The following WIPF2 variants were observed in gnomAD, a reference collection of about 807,000 sequenced individuals.
WIPF2 encodes WAS/WASL interacting protein family member 2, also known as WAS/WASL-interacting protein family member 2.
In WIPF2, 23 loss-of-function variants were observed where a neutral mutation model predicts 38.8. The ratio of observed to expected loss-of-function variants is 0.59; its 90% CI spans 0.43 to 0.84. The LOEUF (loss-of-function observed/expected upper bound fraction) is 0.84, where lower values mean the gene tolerates loss of function less well. Ranked by LOEUF, WIPF2 falls within the 40% of genes least tolerant of loss-of-function variation. WIPF2 has a pLI of 0.00. For missense variants in WIPF2, 574 were observed against 580.5 expected, an observed-to-expected ratio of 0.99 and a Z score of 0.11; for synonymous variants, 210 against 223.2, an observed-to-expected ratio of 0.94 and a Z score of 0.53.
chr17:40,237,848 G>C (rs910536009), intron 1 of WIPF2, among the ~76,000 whole-genome samples: 2 of 136,238 alleles, frequency 1.5e-5, no homozygotes, highest in African/African-American at 5.8e-5. Context: ...GTTTCACCCT[G>C]TTGGTCACGG....
In WIPF2 at chr17:40,257,001, C is replaced by T. The variant is rs540889374; in HGVS notation, c.63+479C>T. Among the ~76,000 whole-genome samples, 4 of 150,840 alleles carry T rather than the reference C, an allele frequency of 2.7e-5. No individual in the cohort carries two copies. In the East Asian group the frequency reaches 5.8e-4, roughly 22 times the overall value. ...TGAGGATTCCTTTTTTTTTTTGAAA[C>T]GGAATCTCACTCTGTCGCCCAGGCT... On this transcript the variant is annotated intron_variant, in intron 2 of 7. Transcript: ENST00000323571.
intron 1 of WIPF2, among the ~76,000 whole-genome samples, chr17:40,255,307 AG>A (rs1420441616): frequency 6.6e-6 from 1 of 151,870 alleles, no homozygotes; most frequent in Non-Finnish European, 1.5e-5. Flanking sequence ...TGCACAATAC[AG>A]GGAGCACCCA....
At chr17:40,252,214 A>G (rs1416274612) in intron 1 of WIPF2, among the ~76,000 whole-genome samples, 1 of 152,218 alleles carries the variant, frequency 6.6e-6, no homozygotes, top group African/African-American at 2.4e-5. Context: ...GAGCACACTG[A>G]CAGGCATAAG....
At chr17:40,254,019 A>T (rs1222665383) in intron 1 of WIPF2, among the ~76,000 whole-genome samples, 1 of 141,644 alleles carries the variant, frequency 7.1e-6, no homozygotes, top group African/African-American at 2.6e-5. Context: ...TGCTGGTTTG[A>T]TTTTTTTTTT....
At chr17:40,274,082 T>C (rs1364991424) in intron 6 of WIPF2, 83 bp downstream of exon 6, 8 of 1,191,778 alleles carry the variant, frequency 6.7e-6, no homozygotes, top group East Asian at 2.7e-5. Flanking sequence ...ATGGCCACCA[T>C]AGAGTGGGAA....
At chr17:40,263,328 C>T (rs1019160296) in intron 4 of WIPF2, among the ~76,000 whole-genome samples, 12 of 151,898 alleles carry the variant, frequency 7.9e-5, no homozygotes, top group Non-Finnish European at 1.2e-4. Flanking sequence ...CAATGGGGTT[C>T]GCCCTCCTAT....
chr17:40,282,283 T>C lies in WIPF2; in HGVS notation c.*4058T>C, dbSNP rs938173935. On this transcript the variant is annotated 3_prime_UTR_variant, in exon 8 of 8. Transcript: ENST00000323571. ...TAACTGCTGTTTCTTTCTACTCTTGTTTCTGGCAATTTAGTGGGTTCCTTC... is the reference window on the plus strand; with the variant it reads ...TAACTGCTGTTTCTTTCTACTCTTGCTTCTGGCAATTTAGTGGGTTCCTTC... 1.3e-5 allele frequency: 2 copies of C among 152,206 alleles called. No homozygotes were observed. The highest frequency in any genetic ancestry group is 4.8e-5 in the African/African-American group (2 of 41,446). The allele number at this position is 152,206 out of a possible 1,614,324, so 9.4% of individuals were successfully genotyped here. A position where few individuals can be genotyped will look rare whatever the true frequency, so the allele number is the denominator to read the frequency against.
chr17:40,252,136 T>C (rs924390450), intron 1 of WIPF2, among the ~76,000 whole-genome samples: 2 of 152,178 alleles, frequency 1.3e-5, no homozygotes, highest in African/African-American at 4.8e-5. Context: ...AAGGCATCTT[T>C]AACTGTGTAA....
intron 1 of WIPF2, 107 bp from the exon 2 acceptor site, chr17:40,256,284 A>G: frequency 1.2e-6 from 1 of 835,060 alleles, no homozygotes; most frequent in Admixed American, 3.7e-5. Flanking sequence ...GAACTAAAAG[A>G]TAAGGTGTTC....
chr17:40,259,143 T>C (rs2031822498), intron 2 of WIPF2, among the ~76,000 whole-genome samples: 1 of 146,762 alleles, frequency 6.8e-6, no homozygotes, highest in African/African-American at 2.5e-5. Flanking sequence ...CCTCCCAAAG[T>C]GCTGGGATTA....
At position 40,284,000 on chromosome 17, in the gene WIPF2, A is replaced by C. The variant is rs1178678190; in HGVS notation, c.*5775A>C. On this transcript the variant is annotated 3_prime_UTR_variant, in exon 8 of 8. Coordinates refer to ENST00000323571, the MANE Select transcript of WIPF2 (RefSeq NM_133264.5). Reference sequence around the variant, plus strand: ...CATAATTTAGATATAAAAACCTATGAGGATGAGGGAGGGAGGGGAAGAAAA... The same window carrying C: ...CATAATTTAGATATAAAAACCTATGCGGATGAGGGAGGGAGGGGAAGAAAA... 1 of 152,154 alleles carries C rather than the reference A, an allele frequency of 6.6e-6. No homozygotes were observed. The allele number at this position is 152,154 out of a possible 1,614,324, so 9.4% of individuals were successfully genotyped here. A position where few individuals can be genotyped will look rare whatever the true frequency, so the allele number is the denominator to read the frequency against.
chr17:40,259,528 G>A (rs546348621), intron 2 of WIPF2, among the ~76,000 whole-genome samples: 8 of 152,026 alleles, frequency 5.3e-5, no homozygotes, highest in African/African-American at 1.9e-4. Flanking sequence ...CATCTTGGCT[G>A]TTTGTTTATT....
chr17:40,278,316 C>A lies in WIPF2; in HGVS notation c.*91C>A. ...CATTCCCCTGAAACCTGCATGAGAG[C>A]TCCTAACATGTTTCTCCAATGCAAT... On this transcript the variant is annotated 3_prime_UTR_variant, in exon 8 of 8. Coordinates refer to ENST00000323571, the MANE Select transcript of WIPF2 (RefSeq NM_133264.5). The A allele has an allele frequency of 6.8e-7, 1 of 1,460,144 alleles. No individual in the cohort carries two copies. The highest frequency in any genetic ancestry group is 9.4e-7 in the Non-Finnish European group (1 of 1,060,482). The allele number at this position is 1,460,144 out of a possible 1,614,324, so 90.4% of individuals were successfully genotyped here. A position where few individuals can be genotyped will look rare whatever the true frequency, so the allele number is the denominator to read the frequency against.
intron 2 of WIPF2, among the ~76,000 whole-genome samples, chr17:40,258,506 C>T (rs1380175964): frequency 2.0e-5 from 3 of 152,086 alleles, no homozygotes; most frequent in South Asian, 2.1e-4. Context: ...GCAGGAGAAT[C>T]GCTTGAACCA....
chr17:40,267,585 G>C (rs1474965596), intron 5 of WIPF2, among the ~76,000 whole-genome samples: 2 of 152,166 alleles, frequency 1.3e-5, no homozygotes, highest in East Asian at 3.9e-4. Context: ...TTTCGCCCAG[G>C]CTGGAGTGCA....
At chr17:40,231,737 A>T (rs1479240441) in intron 1 of WIPF2, among the ~76,000 whole-genome samples, 8 of 150,224 alleles carry the variant, frequency 5.3e-5, no homozygotes, top group Non-Finnish European at 1.2e-4. Context: ...TTCTACTTTT[A>T]TATATGGAGC....
At chr17:40,275,792 C>T (rs571913028) in intron 6 of WIPF2, among the ~76,000 whole-genome samples, 1 of 152,218 alleles carries the variant, frequency 6.6e-6, no homozygotes, top group Admixed American at 6.5e-5. Flanking sequence ...GTCTCAAACT[C>T]CTGGGCTCAA....
intron 1 of WIPF2, among the ~76,000 whole-genome samples, chr17:40,246,884 G>A (rs1012090297): frequency 2.6e-5 from 4 of 151,960 alleles, no homozygotes; most frequent in African/African-American, 9.7e-5. Flanking sequence ...GGCCGAGGTG[G>A]GCGGATCACG....
chr17:40,256,088 A>AG (rs1307366169), intron 1 of WIPF2, among the ~76,000 whole-genome samples: 2 of 143,506 alleles, frequency 1.4e-5, no homozygotes, highest in Non-Finnish European at 3.0e-5. Context: ...AGAGAGTCCC[A>AG]GGGTCTTTAA....
Sources: gnomAD v4.1 joint callset for allele counts (sites outside exome capture counted in the v4.1 genomes callset) on GRCh38, gnomAD v4.1.1 for gene constraint, MANE v1.5 for transcripts, NCBI Gene and HGNC (gene_info 2026-07-23, HGNC 2026-07-21) for gene names.